Variants in WDTC1 observed in about 807,000 individuals in gnomAD.
The protein encoded by WDTC1 is WD and tetratricopeptide repeats 1.
A neutral mutation model predicts 76.0 loss-of-function variants in WDTC1; 12 were observed. The ratio of observed to expected loss-of-function variants is 0.16; its 90% CI spans 0.10 to 0.26. WDTC1 has a LOEUF of 0.26. WDTC1 is among the 10% of genes least tolerant of loss of function. WDTC1 has a pLI of 1.00. For synonymous variants in WDTC1, 326 were observed against 350.8 expected (o/e 0.93, Z 0.79); for missense variants, 511 against 908.8 (o/e 0.56, Z 5.63).
At chr1:27,302,753 C>CA (rs895284894) in intron 13 of WDTC1, among the ~76,000 whole-genome samples, 5 of 151,806 alleles carry the variant, frequency 3.3e-5, no homozygotes, top group African/African-American at 1.2e-4. Context: ...ACAACAACAA[C>CA]AACAAAATGT....
In WDTC1 at chr1:27,308,287, C is replaced by T. The variant is rs2014004661; in HGVS notation, c.*1904C>T. 1 of 152,250 alleles carries T rather than the reference C, an allele frequency of 6.6e-6. No homozygotes were observed. Among genetic ancestry groups the T allele is most frequent in the African/African-American group, 2.4e-5 (1 of 41,448 alleles). 9.4% of individuals were successfully genotyped at this position (152,250 alleles called of 1,614,324 possible). The stretch of plus-strand genomic sequence containing the variant: ...GTGGGGTGCAGATGGGTCTTGGAAC[C>T]AAAGTGAGGGCACCTGGTCCCTCAC... On this transcript the variant is annotated 3_prime_UTR_variant, in exon 16 of 16. Transcript: ENST00000319394.
intron 1 of WDTC1, among the ~76,000 whole-genome samples, chr1:27,240,970 C>T (rs2011612751): frequency 4.5e-5 from 1 of 22,326 alleles, no homozygotes; most frequent in Admixed American, 9.1e-4. Flanking sequence ...GAGACTCCAT[C>T]TCAAAAAAAA....
At chr1:27,302,399 T>G (rs1380769249) in intron 13 of WDTC1, among the ~76,000 whole-genome samples, 1 of 152,046 alleles carries the variant, frequency 6.6e-6, no homozygotes, top group Non-Finnish European at 1.5e-5. Context: ...ACATTTAAAC[T>G]AAGATCTAAA....
chr1:27,256,154 G>A (rs563522952), intron 1 of WDTC1, among the ~76,000 whole-genome samples: 5 of 152,272 alleles, frequency 3.3e-5, no homozygotes, highest in South Asian at 4.1e-4. Flanking sequence ...CAGGACCCAC[G>A]ACTAAAATCA....
chr1:27,263,841 G>A (rs751680307), intron 3 of WDTC1, among the ~76,000 whole-genome samples: 5 of 152,152 alleles, frequency 3.3e-5, no homozygotes, highest in South Asian at 2.1e-4. Flanking sequence ...CCGTATACAG[G>A]AATATAGAAT....
intron 1 of WDTC1, among the ~76,000 whole-genome samples, chr1:27,240,139 C>T (rs11584568): frequency 9.4e-4 from 143 of 152,242 alleles, no homozygotes; most frequent in Non-Finnish European, 1.7e-3. Context: ...GATCCACTCA[C>T]CTTGGCCCCC....
At chr1:27,266,792 A>T (rs542685979) in intron 3 of WDTC1, among the ~76,000 whole-genome samples, 1 of 152,348 alleles carries the variant, frequency 6.6e-6, no homozygotes, top group South Asian at 2.1e-4. Context: ...GTGGGATAAG[A>T]GGGAAGATCA....
Position 27,303,056 on chromosome 1 carries a change from T to C in WDTC1, c.1469-565T>C, listed in dbSNP as rs2147994455. Among the ~76,000 whole-genome samples, 1 of 152,256 alleles carries C rather than the reference T, an allele frequency of 6.6e-6. No individual in the cohort carries two copies. ...GGGAGGCCAAGGCAGGTGGATCACC[T>C]GAGGTCAGGAGTTTGAGACCAGCCT... On this transcript the variant is annotated intron_variant, in intron 13 of 15. Transcript: ENST00000319394. The surrounding 1 kb of genome is among the most constrained non-coding windows in gnomAD (Gnocchi z 4.8).
chr1:27,293,441 A>AAG (rs1229016455), intron 7 of WDTC1, among the ~76,000 whole-genome samples: 1 of 150,968 alleles, frequency 6.6e-6, no homozygotes, highest in East Asian at 1.9e-4. Flanking sequence ...CAATTAAAAA[A>AAG]AAAAAAAAAA....
At chr1:27,252,671 G>T (rs2012114234) in intron 1 of WDTC1, among the ~76,000 whole-genome samples, 1 of 151,866 alleles carries the variant, frequency 6.6e-6, no homozygotes, top group African/African-American at 2.4e-5. Flanking sequence ...GGTGGCACAT[G>T]CCTGTAATCC....
intron 5 of WDTC1, among the ~76,000 whole-genome samples, chr1:27,284,043 A>C (rs536450366): frequency 2.6e-4 from 40 of 152,348 alleles, no homozygotes; most frequent in Middle Eastern, 6.8e-3. Context: ...AAGGGGACTT[A>C]CAAGTGTCTT....
intron 1 of WDTC1, among the ~76,000 whole-genome samples, chr1:27,237,861 C>CAAAAAAAAAA (rs11427877): frequency 7.9e-6 from 1 of 126,298 alleles, no homozygotes; most frequent in Non-Finnish European, 1.6e-5. Context: ...AACTCCATCT[C>CAAAAAAAAAA]AAAAAAAAAA....
Position 27,305,643 on chromosome 1 carries a change from G to A in WDTC1, c.1836+450G>A, listed in dbSNP as rs970058557. On this transcript the variant is annotated intron_variant, in intron 15 of 15. Transcript: ENST00000319394. This position sits in a 1 kb window ranked among gnomAD's most constrained non-coding sequence, Gnocchi z 4.6. ...GTCCCCTCCACTCCCAGGGTGGGTA[G>A]CCAGGGAAGCTGGCTTGGTGCCTCC... 6.6e-6 allele frequency among the ~76,000 whole-genome samples: 1 copy of A among 152,186 alleles called. No homozygotes were observed. The highest frequency in any genetic ancestry group is 1.5e-5 in the Non-Finnish European group (1 of 68,022).
chr1:27,288,990 C>CCA (rs2013433332), intron 6 of WDTC1, among the ~76,000 whole-genome samples: 1 of 146,034 alleles, frequency 6.8e-6, no homozygotes, highest in Non-Finnish European at 1.5e-5. Context: ...CTGACCCCCC[C>CCA]CCCACCTCCC....
At chr1:27,241,158 A>G (rs1226516218) in intron 1 of WDTC1, among the ~76,000 whole-genome samples, 5 of 152,204 alleles carry the variant, frequency 3.3e-5, no homozygotes, top group Non-Finnish European at 7.4e-5. Flanking sequence ...ATACAAGGTC[A>G]CAACTGCTAG....
In WDTC1 at chr1:27,296,353, C is replaced by G. The variant is rs2013683150; in HGVS notation, c.901C>G (p.Gln301Glu). 6.2e-7 allele frequency: 1 copy of G among 1,613,928 alleles called. No individual in the cohort carries two copies. Among genetic ancestry groups the G allele is most frequent in the Non-Finnish European group, 8.5e-7 (1 of 1,180,020 alleles). ...CTATTTGTTTGACTTGACTTACAAG[C>G]AGCGGCCGTACACCTTCCTCTTGCC... ...QVYLFDLTYK[Q>E]RPYTFLLPRK... The change falls in exon 10 of 16, where the codon CAG becomes GAG. Residue 301 changes from glutamine to glutamate, a missense_variant. Gln to Glu is a conservative substitution (Grantham distance 29, BLOSUM62 2). Coordinates refer to ENST00000319394, the MANE Select transcript of WDTC1 (RefSeq NM_001276252.2).
chr1:27,234,726 T>G lies in WDTC1; in HGVS notation c.-325T>G, dbSNP rs1426450846. The G allele has an allele frequency of 2.3e-5, 9 of 395,582 alleles. No homozygotes were observed. The highest frequency in any genetic ancestry group is 2.2e-4 in the Admixed American group (5 of 22,414). 24.5% of individuals were successfully genotyped at this position (395,582 alleles called of 1,614,324 possible). ...GTGAGAGCGCGCGAGGGAGTGTGAGTGTGTGTGAGCGCGGGTGTGAGGCGG... is the reference window on the plus strand; with the variant it reads ...GTGAGAGCGCGCGAGGGAGTGTGAGGGTGTGTGAGCGCGGGTGTGAGGCGG... On this transcript the variant is annotated 5_prime_UTR_variant, in exon 1 of 16. Transcript: ENST00000319394.
intron 4 of WDTC1, among the ~76,000 whole-genome samples, chr1:27,282,493 C>CTGTTTTGTTT (rs945330164): frequency 6.6e-6 from 1 of 152,026 alleles, no homozygotes; most frequent in Non-Finnish European, 1.5e-5. Context: ...CATCCAAACC[C>CTGTTTTGTTT]TGTTTTGTTT....
chr1:27,304,915 C>T (rs2013915944), intron 14 of WDTC1, 86 bp from the exon 15 acceptor site: 35 of 1,379,608 alleles, frequency 2.5e-5, no homozygotes, highest in Non-Finnish European at 3.2e-5. Flanking sequence ...CTTCCTTGCT[C>T]CCCCTTTACC....
Sources: gnomAD v4.1 joint callset for allele counts (sites outside exome capture counted in the v4.1 genomes callset) on GRCh38, gnomAD v4.1.1 for gene constraint, Gnocchi (gnomAD v3.1) non-coding constraint, MANE v1.5 for transcripts, NCBI Gene and HGNC (gene_info 2026-07-23, HGNC 2026-07-21) for gene names.